Variants in NRXN3 observed in about 807,000 individuals in gnomAD.
NRXN3 encodes the protein neurexin 3.
A neutral mutation model predicts 137.6 loss-of-function variants in NRXN3; 32 were observed. The observed-to-expected ratio is 0.23, with a 90% CI of 0.18 to 0.31. The LOEUF is 0.31. NRXN3 is among the 10% of genes least tolerant of loss of function. The pLI, the probability that NRXN3 is intolerant of heterozygous loss-of-function variation, is 1.00. For synonymous variants in NRXN3, 798 were observed against 784.5 expected (o/e 1.02, Z -0.29); for missense variants, 1,574 against 2,062.5 (o/e 0.76, Z 4.59).
intron 19 of NRXN3, among the ~76,000 whole-genome samples, chr14:79,792,161 T>G (rs1006619254): frequency 1.3e-5 from 2 of 152,128 alleles, no homozygotes; most frequent in Non-Finnish European, 2.9e-5. Context: ...AGATATACGT[T>G]AAACTCTTTT....
chr14:79,530,882 A>G (rs1355442104), intron 16 of NRXN3, among the ~76,000 whole-genome samples: 1 of 152,210 alleles, frequency 6.6e-6, no homozygotes, highest in Non-Finnish European at 1.5e-5. Flanking sequence ...TGGAAAATAT[A>G]GAAATAACAC....
intron 16 of NRXN3, among the ~76,000 whole-genome samples, chr14:79,616,741 G>C (rs2098160789): frequency 2.0e-5 from 3 of 152,134 alleles, no homozygotes; most frequent in Admixed American, 1.3e-4. Flanking sequence ...GTATTCCATG[G>C]GTTCAATGGG....
At chr14:79,145,440 G>A (rs1323664202) in intron 15 of NRXN3, among the ~76,000 whole-genome samples, 1 of 152,028 alleles carries the variant, frequency 6.6e-6, no homozygotes, top group Non-Finnish European at 1.5e-5. Context: ...AGATAGTAAA[G>A]GTGCTATTTT....
intron 4 of NRXN3, among the ~76,000 whole-genome samples, chr14:78,340,080 A>G (rs117951116): frequency 6.6e-6 from 1 of 152,350 alleles, no homozygotes; most frequent in East Asian, 1.9e-4. Context: ...GTCTCATCCA[A>G]TGGACTGTAC....
intron 2 of NRXN3, among the ~76,000 whole-genome samples, chr14:78,254,624 G>C (rs1456317041): frequency 6.6e-6 from 1 of 150,658 alleles, no homozygotes; most frequent in Non-Finnish European, 1.5e-5. Flanking sequence ...GTTGCAGTGA[G>C]CCGAGATCAC....
At chr14:78,367,199 C>T (rs2153612740) in intron 4 of NRXN3, among the ~76,000 whole-genome samples, 1 of 152,218 alleles carries the variant, frequency 6.6e-6, no homozygotes, top group African/African-American at 2.4e-5. Context: ...ACCAGGTGCA[C>T]TCATAAAAAT....
chr14:79,168,115 ACCAGTGTGCTGAGCCTTAC>A (rs2153084905), intron 15 of NRXN3, among the ~76,000 whole-genome samples: 1 of 151,880 alleles, frequency 6.6e-6, no homozygotes, highest in South Asian at 2.1e-4. Context: ...TCCTTATCTC[ACCAGTGTGCTGAGCCTTAC>A]CCAATCCTCA....
chr14:78,982,644 T>A (rs1396743820), intron 14 of NRXN3, among the ~76,000 whole-genome samples: 1 of 152,062 alleles, frequency 6.6e-6, no homozygotes, highest in East Asian at 1.9e-4. Flanking sequence ...AAACATCATC[T>A]CAAAACATAT....
At chr14:79,031,812 A>T (rs1469575687) in intron 15 of NRXN3, among the ~76,000 whole-genome samples, 1 of 152,170 alleles carries the variant, frequency 6.6e-6, no homozygotes, top group Non-Finnish European at 1.5e-5. Flanking sequence ...ATGGATCTTC[A>T]TTGGACCATA....
rs373841400 is a variant in NRXN3 at position 79,073,141 on chromosome 14, C to T, written c.3262+85000C>T. Among the ~76,000 whole-genome samples, 107 of 152,280 alleles carry T rather than the reference C, an allele frequency of 7.0e-4. 1 individual carries two copies. Among genetic ancestry groups the T allele is most frequent in the African/African-American group, 2.4e-3 (101 of 41,572 alleles). ...ACCTCAGGTGATCCACTCGCCTCCG[C>T]CTCCCAAAGTGCTTGGATTACAGGC... On this transcript the variant is annotated intron_variant, in intron 15 of 20. Coordinates refer to ENST00000335750, the MANE Select transcript of NRXN3 (RefSeq NM_001330195.2).
chr14:78,321,369 C>T (rs986239700), intron 4 of NRXN3, among the ~76,000 whole-genome samples: 1 of 152,046 alleles, frequency 6.6e-6, no homozygotes, highest in Non-Finnish European at 1.5e-5. Flanking sequence ...CAGAACAAAA[C>T]CCATCTTCAT....
intron 20 of NRXN3, among the ~76,000 whole-genome samples, chr14:79,847,099 A>T (rs1301373376): frequency 1.3e-5 from 2 of 152,186 alleles, no homozygotes; most frequent in Non-Finnish European, 2.9e-5. Context: ...TAGTCAACAG[A>T]GGAGGCTGAA....
chr14:79,042,204 G>A (rs2099626206), intron 15 of NRXN3, among the ~76,000 whole-genome samples: 1 of 152,192 alleles, frequency 6.6e-6, no homozygotes, highest in Non-Finnish European at 1.5e-5. Context: ...CATGCAGCTG[G>A]TTCTCTAAAT....
intron 15 of NRXN3, among the ~76,000 whole-genome samples, chr14:79,278,433 C>G (rs765266323): frequency 6.6e-6 from 1 of 152,202 alleles, no homozygotes; most frequent in Non-Finnish European, 1.5e-5. Context: ...ATGGCCACGA[C>G]AGAGGACAGG....
chr14:78,823,406 G>A (rs2098956900), intron 10 of NRXN3, among the ~76,000 whole-genome samples: 1 of 152,150 alleles, frequency 6.6e-6, no homozygotes, highest in South Asian at 2.1e-4. Flanking sequence ...TGCAACAGCT[G>A]TCTGCTCATC....
At chr14:79,455,965 A>G (rs2096252028) in intron 15 of NRXN3, among the ~76,000 whole-genome samples, 1 of 151,804 alleles carries the variant, frequency 6.6e-6, no homozygotes, top group African/African-American at 2.4e-5. Flanking sequence ...CCTTATTATT[A>G]TTTGAGACAT....
At chr14:78,511,015 T>C (rs941009519) in intron 4 of NRXN3, among the ~76,000 whole-genome samples, 1 of 152,178 alleles carries the variant, frequency 6.6e-6, no homozygotes, top group African/African-American at 2.4e-5. Flanking sequence ...AATAGAGTAG[T>C]AAAGCATATC....
At chr14:79,748,248 T>A (rs951045683) in intron 19 of NRXN3, among the ~76,000 whole-genome samples, 1 of 152,024 alleles carries the variant, frequency 6.6e-6, no homozygotes. Context: ...AAAAAAAATT[T>A]TAAAAACTTA....
intron 19 of NRXN3, among the ~76,000 whole-genome samples, chr14:79,767,567 A>G (rs908185022): frequency 6.6e-6 from 1 of 152,192 alleles, no homozygotes; most frequent in Admixed American, 6.5e-5. Flanking sequence ...CATCTATACC[A>G]TCATTATTAA....
Sources: gnomAD v4.1 joint callset for allele counts (sites outside exome capture counted in the v4.1 genomes callset) on GRCh38, gnomAD v4.1.1 for gene constraint, MANE v1.5 for transcripts, NCBI Gene and HGNC (gene_info 2026-07-23, HGNC 2026-07-21) for gene names.